Variants in C6 observed in about 807,000 individuals in gnomAD.
C6 encodes the protein complement C6, also known as complement component C6.
C6 carries 101 observed loss-of-function variants against 112.9 expected under a neutral mutation model. The ratio of observed to expected loss-of-function variants is 0.89; its 90% CI spans 0.76 to 1.06. C6 has a LOEUF of 1.06. Among genes scored for constraint, C6 ranks in the 50% least tolerant of loss-of-function variants. The probability of loss-of-function intolerance (pLI) is 0.00; values close to 1 mark genes in which losing one functional copy is unlikely to be tolerated. For synonymous variants in C6, 431 were observed against 384.1 expected (o/e 1.12, Z -1.43); for missense variants, 1,202 against 1,104.6 (o/e 1.09, Z -1.25).
upstream of C6, among the ~76,000 whole-genome samples, chr5:41,214,278 CTT>C (rs1248553905): frequency 2.0e-5 from 3 of 152,072 alleles, no homozygotes; most frequent in Non-Finnish European, 4.4e-5. Flanking sequence ...GTTTTTCAAA[CTT>C]TTTTCAAAGC....
intron 1 of C6, among the ~76,000 whole-genome samples, chr5:41,207,587 G>C (rs1333224024): frequency 6.6e-6 from 1 of 152,098 alleles, no homozygotes; most frequent in Non-Finnish European, 1.5e-5. Context: ...CCTAGTCTCT[G>C]ATAAAACAGA....
intron 7 of C6, 97 bp downstream of exon 7, chr5:41,181,262 G>C (rs1033633255): frequency 9.1e-7 from 1 of 1,101,690 alleles, no homozygotes; most frequent in African/African-American, 1.6e-5. Context: ...AAGTCATACT[G>C]GTACAATATC....
At chr5:41,222,426 T>A (rs1739231763) in intron 1 of C6, among the ~76,000 whole-genome samples, 1 of 152,002 alleles carries the variant, frequency 6.6e-6, no homozygotes, top group African/African-American at 2.4e-5. Flanking sequence ...CAGAAAAGTT[T>A]TATATTTTTT....
chr5:41,259,242 G>A (rs1472531021), intron 1 of C6, among the ~76,000 whole-genome samples: 1 of 152,010 alleles, frequency 6.6e-6, no homozygotes, highest in East Asian at 1.9e-4. Context: ...TTATGAAAAA[G>A]ATATAAATCT....
intron 8 of C6, among the ~76,000 whole-genome samples, chr5:41,175,120 G>T (rs1451299251): frequency 4.3e-4 from 65 of 152,124 alleles, no homozygotes; most frequent in Non-Finnish European, 5.9e-5. Context: ...TCTGTTGGAG[G>T]TGGTCATCCT....
At chr5:41,201,776 AT>A in intron 2 of C6, 62 bp from the exon 3 acceptor site, 1 of 1,382,390 alleles carries the variant, frequency 7.2e-7, no homozygotes, top group Non-Finnish European at 1.0e-6. Context: ...CTGCTCCATA[AT>A]CAAAGTATCA....
At chr5:41,170,566 T>C (rs1183406074) in intron 9 of C6, among the ~76,000 whole-genome samples, 1 of 152,118 alleles carries the variant, frequency 6.6e-6, no homozygotes, top group East Asian at 1.9e-4. Context: ...TATATGCCTT[T>C]GTGCCCTCTT....
At chr5:41,185,471 A>T (rs775776073) in intron 6 of C6, among the ~76,000 whole-genome samples, 27 of 152,204 alleles carry the variant, frequency 1.8e-4, no homozygotes, top group Non-Finnish European at 3.4e-4. Flanking sequence ...GAAGCAGATT[A>T]CTCACTTTAG....
intron 1 of C6, among the ~76,000 whole-genome samples, chr5:41,204,991 A>T (rs549307071): frequency 1.9e-4 from 29 of 152,294 alleles, no homozygotes; most frequent in African/African-American, 6.0e-4. Flanking sequence ...AAAATGCCAG[A>T]ATAAAAGTAA....
intron 5 of C6, among the ~76,000 whole-genome samples, chr5:41,192,549 C>T (rs1046924141): frequency 3.3e-5 from 5 of 152,034 alleles, no homozygotes; most frequent in Non-Finnish European, 7.4e-5. Flanking sequence ...TTGATTTAAT[C>T]TCATTACTCA....
chr5:41,204,670 CTTT>C (rs1196116815), intron 1 of C6, among the ~76,000 whole-genome samples: 1 of 98,574 alleles, frequency 1.0e-5, no homozygotes, highest in African/African-American at 3.8e-5. Context: ...TTTTTTTTTT[CTTT>C]TTTTTTTTTT....
intron 1 of C6, among the ~76,000 whole-genome samples, chr5:41,257,395 C>T (rs1305656901): frequency 6.6e-6 from 1 of 151,936 alleles, no homozygotes; most frequent in African/African-American, 2.4e-5. Context: ...TATATGTATA[C>T]CACATTTTCT....
chr5:41,194,382 T>C (rs1561153440), intron 5 of C6, among the ~76,000 whole-genome samples: 1 of 152,192 alleles, frequency 6.6e-6, no homozygotes, highest in African/African-American at 2.4e-5. Flanking sequence ...GAACTGGTTC[T>C]AGTTCTACAT....
At chr5:41,206,344 G>A (rs1165230721) in intron 1 of C6, among the ~76,000 whole-genome samples, 1 of 152,220 alleles carries the variant, frequency 6.6e-6, no homozygotes, top group South Asian at 2.1e-4. Context: ...CTCCTTGCAT[G>A]TAAAGGAACA....
At chr5:41,252,227 CT>C (rs1455183997) in intron 1 of C6, among the ~76,000 whole-genome samples, 32 of 152,268 alleles carry the variant, frequency 2.1e-4, no homozygotes, top group South Asian at 1.0e-3. Flanking sequence ...ATATGTTAAC[CT>C]CATTTGGCTG....
chr5:41,230,298 G>C (rs192535245), intron 1 of C6, among the ~76,000 whole-genome samples: 1 of 152,054 alleles, frequency 6.6e-6, no homozygotes, highest in Admixed American at 6.6e-5. Flanking sequence ...CTTGCAGAGA[G>C]CCTATAAACA....
chr5:41,255,377 A>G (rs1282452394), intron 1 of C6, among the ~76,000 whole-genome samples: 3 of 151,604 alleles, frequency 2.0e-5, no homozygotes, highest in Non-Finnish European at 4.4e-5. Flanking sequence ...AAAAAAGATA[A>G]GAGTCTTAAC....
upstream of C6, among the ~76,000 whole-genome samples, chr5:41,217,623 A>G (rs955602023): frequency 4.6e-5 from 7 of 152,150 alleles, no homozygotes; most frequent in Non-Finnish European, 8.8e-5. Flanking sequence ...ATTAAATGGA[A>G]TAAACTCTTT....
chr5:41,186,279 A>C lies in C6; in HGVS notation c.588-71T>G, dbSNP rs1749763634. ...CTTTAAAATTTACCTTAGTTATATG[A>C]AAGGAATTCCTCTTCTAAACCTTTT... On this transcript the variant is annotated intron_variant, in intron 5 of 17. Transcript: ENST00000337836. 6 of 1,537,252 alleles carry C rather than the reference A, an allele frequency of 3.9e-6. No individual in the cohort carries two copies. In the Admixed American group the frequency reaches 8.6e-5, roughly 22 times the overall value.
Sources: gnomAD v4.1 joint callset for allele counts (sites outside exome capture counted in the v4.1 genomes callset) on GRCh38, gnomAD v4.1.1 for gene constraint, MANE v1.5 for transcripts, NCBI Gene and HGNC (gene_info 2026-07-23, HGNC 2026-07-21) for gene names.